Variants in ADARB2 observed in about 807,000 individuals in gnomAD.
ADARB2 encodes the protein inactive double-stranded RNA-specific editase B2.
In ADARB2, 25 loss-of-function variants were observed where a neutral mutation model predicts 62.2. The ratio of observed to expected loss-of-function variants is 0.40; its 90% confidence interval spans 0.29 to 0.56. The LOEUF (loss-of-function observed/expected upper bound fraction) is 0.56. Ranked by LOEUF, ADARB2 falls within the 20% of genes least tolerant of loss-of-function variation. ADARB2 has a pLI of 0.43. For synonymous variants in ADARB2, 572 were observed against 500.8 expected (o/e 1.14, Z -1.90); for missense variants, 1,071 against 1,077.4 (o/e 0.99, Z 0.08).
chr10:1,461,473 T>C (rs1021537836), intron 1 of ADARB2, among the ~76,000 whole-genome samples: 108 of 152,244 alleles, frequency 7.1e-4, no homozygotes, highest in African/African-American at 2.5e-3. Context: ...AATGGAGAAA[T>C]TTCAAGGGCA....
Position 1,363,690 on chromosome 10 carries a change from C to A in ADARB2, c.415G>T (p.Gly139Cys), listed in dbSNP as rs761290394. Residue 139 changes from glycine (G) to cysteine (C), a missense_variant, in exon 3 of 10, where the codon GGC becomes TGC. Transcript: ENST00000381312. Reference sequence around the variant, plus strand: ...TGCGACACTGTCCGGTACTGCAGGCCCGGCCTCAGCTCGTGCAGCTGCACC... The same window carrying A: ...TGCGACACTGTCCGGTACTGCAGGCACGGCCTCAGCTCGTGCAGCTGCACC... ...ALVQLHELRPGLQYRTVSQTG... is the reference protein window; with the variant it reads ...ALVQLHELRPCLQYRTVSQTG... 1 of 1,611,422 alleles carries A rather than the reference C, an allele frequency of 6.2e-7. No individual in the cohort carries two copies. The highest frequency in any genetic ancestry group is 8.5e-7 in the Non-Finnish European group (1 of 1,179,290).
At chr10:1,185,160 C>T in intron 8 of ADARB2, 121 bp from the exon 9 acceptor site, 1 of 1,298,128 alleles carries the variant, frequency 7.7e-7, no homozygotes, top group Non-Finnish European at 1.0e-6. Flanking sequence ...CCTTTTCATC[C>T]TCAGGACTGG....
chr10:1,331,277 A>G (rs1038109398), intron 3 of ADARB2, among the ~76,000 whole-genome samples: 1 of 152,256 alleles, frequency 6.6e-6, no homozygotes, highest in African/African-American at 2.4e-5. Flanking sequence ...ATAAAAACAT[A>G]TATCTACATA....
At chr10:1,629,793 G>C (rs1258709391) in intron 1 of ADARB2, among the ~76,000 whole-genome samples, 2 of 152,062 alleles carry the variant, frequency 1.3e-5, no homozygotes, top group Non-Finnish European at 2.9e-5. Flanking sequence ...GGCCTCTAGG[G>C]GTTACACAAC....
intron 1 of ADARB2, among the ~76,000 whole-genome samples, chr10:1,634,409 G>A (rs976978760): frequency 3.9e-5 from 6 of 152,164 alleles, no homozygotes; most frequent in Non-Finnish European, 7.4e-5. Flanking sequence ...TGTTCTCAAC[G>A]CTGCTCCTTG....
chr10:1,422,724 A>G (rs561827896), intron 1 of ADARB2, among the ~76,000 whole-genome samples: 1 of 152,284 alleles, frequency 6.6e-6, no homozygotes, highest in South Asian at 2.1e-4. Context: ...AACAATGACC[A>G]CCCATCTGTC....
chr10:1,616,143 AC>A (rs1833629869), intron 1 of ADARB2, among the ~76,000 whole-genome samples: 1 of 152,146 alleles, frequency 6.6e-6, no homozygotes, highest in African/African-American at 2.4e-5. Flanking sequence ...GACTAATTAT[AC>A]TTTTTCTCCC....
chr10:1,729,428 C>A (rs942101448), intron 1 of ADARB2, among the ~76,000 whole-genome samples: 1 of 152,184 alleles, frequency 6.6e-6, no homozygotes, highest in African/African-American at 2.4e-5. Flanking sequence ...AAGCCCAATG[C>A]AAGCACAGCA....
intron 1 of ADARB2, among the ~76,000 whole-genome samples, chr10:1,381,795 T>G (rs908530418): frequency 3.3e-5 from 5 of 152,106 alleles, no homozygotes; most frequent in Non-Finnish European, 5.9e-5. Context: ...AAAGTTGAAT[T>G]CACCGAAGCA....
chr10:1,695,280 G>A (rs1021368570), intron 1 of ADARB2, among the ~76,000 whole-genome samples: 5 of 152,088 alleles, frequency 3.3e-5, no homozygotes, highest in East Asian at 1.9e-4. Context: ...CAGGCCCACC[G>A]TGTACTTTGA....
At chr10:1,293,165 AG>A (rs1188795026) in intron 3 of ADARB2, among the ~76,000 whole-genome samples, 2 of 38,370 alleles carry the variant, frequency 5.2e-5, no homozygotes, top group East Asian at 5.6e-4. Context: ...GAGGGTAAGA[AG>A]GGGGGAGAGG....
intron 1 of ADARB2, among the ~76,000 whole-genome samples, chr10:1,538,295 G>T (rs533339336): frequency 6.6e-6 from 1 of 152,188 alleles, no homozygotes; most frequent in Admixed American, 6.5e-5. Flanking sequence ...GGTCTGTGCC[G>T]GCTGGTGGGT....
chr10:1,552,903 G>C (rs374416475), intron 1 of ADARB2, among the ~76,000 whole-genome samples: 13 of 136,414 alleles, frequency 9.5e-5, no homozygotes, highest in Non-Finnish European at 1.9e-4. Context: ...ACCTCCTGTG[G>C]AACGGAACCC....
chr10:1,700,157 A>G (rs1483438546), intron 1 of ADARB2, among the ~76,000 whole-genome samples: 12 of 8,406 alleles, frequency 1.4e-3, no homozygotes, highest in East Asian at 0.036. Flanking sequence ...CCGGGAGACC[A>G]GGCACTCGCC....
intron 2 of ADARB2, among the ~76,000 whole-genome samples, chr10:1,378,533 A>G (rs1832454180): frequency 6.6e-6 from 1 of 152,138 alleles, no homozygotes; most frequent in African/African-American, 2.4e-5. Context: ...CCAGGTGAGG[A>G]TGGGACTGCA....
At chr10:1,321,163 C>A (rs181125161) in intron 3 of ADARB2, among the ~76,000 whole-genome samples, 16 of 152,246 alleles carry the variant, frequency 1.1e-4, no homozygotes, top group South Asian at 4.1e-4. Context: ...TAGTTCTCCC[C>A]ATATGATGGT....
intron 1 of ADARB2, among the ~76,000 whole-genome samples, chr10:1,576,594 G>A (rs565021272): frequency 4.6e-5 from 7 of 152,290 alleles, no homozygotes; most frequent in East Asian, 1.9e-4. Context: ...TCCATCCAGC[G>A]ATCTTCGGTC....
intron 1 of ADARB2, among the ~76,000 whole-genome samples, chr10:1,446,106 G>C (rs1476789280): frequency 6.6e-6 from 1 of 152,194 alleles, no homozygotes; most frequent in East Asian, 1.9e-4. Context: ...TTAATGCTTT[G>C]CGTTGTCATG....
In ADARB2 at chr10:1,617,580, A is replaced by G. The variant is rs143241114; in HGVS notation, c.100+119471T>C. Among the ~76,000 whole-genome samples the G allele has an allele frequency of 2.4e-3, 355 of 146,506 alleles. 3 individuals carry two copies. Among genetic ancestry groups the G allele is most frequent in the African/African-American group, 8.4e-3 (326 of 38,704 alleles). The stretch of plus-strand genomic sequence containing the variant: ...GCTAGATGTTTGTGTGCCTCTCCAG[A>G]CACACTCTGCACTGCCCTGCTGAGC... On this transcript the variant is annotated intron_variant, in intron 1 of 9. Coordinates refer to ENST00000381312, the MANE Select transcript of ADARB2 (RefSeq NM_018702.4).
Sources: gnomAD v4.1 joint callset for allele counts (sites outside exome capture counted in the v4.1 genomes callset) on GRCh38, gnomAD v4.1.1 for gene constraint, MANE v1.5 for transcripts, NCBI Gene and HGNC (gene_info 2026-07-23, HGNC 2026-07-21) for gene names.